The following SPIRE1 variants were observed in gnomAD, a reference collection of about 807,000 sequenced individuals.
SPIRE1 encodes protein spire homolog 1.
In SPIRE1, 40 loss-of-function variants were observed where a neutral mutation model predicts 94.1. The ratio of observed to expected loss-of-function variants is 0.43; its 90% CI spans 0.33 to 0.55. SPIRE1 has a LOEUF of 0.55. SPIRE1 is among the 20% of genes least tolerant of loss of function. The probability of loss-of-function intolerance (pLI) is 0.06; values close to 1 mark genes in which losing one functional copy is unlikely to be tolerated. For missense variants in SPIRE1, 838 were observed against 975.2 expected, an observed-to-expected ratio of 0.86 and a Z score of 1.87; for synonymous variants, 376 against 371.7, an observed-to-expected ratio of 1.01 and a Z score of -0.13.
intron 10 of SPIRE1, among the ~76,000 whole-genome samples, chr18:12,470,971 G>A (rs1049433514): frequency 6.6e-6 from 1 of 151,870 alleles, no homozygotes; most frequent in Non-Finnish European, 1.5e-5. Flanking sequence ...GTCTGGGCAC[G>A]TAACTCACTT....
At chr18:12,521,508 A>G (rs2034357661) in intron 4 of SPIRE1, among the ~76,000 whole-genome samples, 1 of 151,794 alleles carries the variant, frequency 6.6e-6, no homozygotes, top group Admixed American at 6.6e-5. Context: ...TAATTTTTGT[A>G]GTATTAGTAG....
At chr18:12,597,792 A>G (rs929240118) in intron 2 of SPIRE1, among the ~76,000 whole-genome samples, 3 of 152,228 alleles carry the variant, frequency 2.0e-5, no homozygotes, top group African/African-American at 7.2e-5. Context: ...CAGGGGCACA[A>G]TTAAATATGC....
intron 2 of SPIRE1, among the ~76,000 whole-genome samples, chr18:12,606,533 ATTT>A (rs11461946): frequency 6.9e-6 from 1 of 145,532 alleles, no homozygotes. Flanking sequence ...TAATTATCTG[ATTT>A]TTTTTTTTTT....
chr18:12,567,695 C>T (rs1417935183), intron 2 of SPIRE1, among the ~76,000 whole-genome samples: 1 of 152,150 alleles, frequency 6.6e-6, no homozygotes, highest in East Asian at 1.9e-4. Context: ...TGGTAGCATA[C>T]CAGGATCCTT....
intron 6 of SPIRE1, among the ~76,000 whole-genome samples, chr18:12,499,418 T>G (rs1271436090): frequency 6.6e-6 from 1 of 152,112 alleles, no homozygotes; most frequent in African/African-American, 2.4e-5. Context: ...GATGTGTGAG[T>G]CCACCAACTT....
intron 7 of SPIRE1, among the ~76,000 whole-genome samples, chr18:12,493,771 G>A (rs149412431): frequency 1.4e-4 from 21 of 152,322 alleles, no homozygotes; most frequent in African/African-American, 4.3e-4. Flanking sequence ...TGGGATTCCA[G>A]GCGCATGCCA....
intron 12 of SPIRE1, among the ~76,000 whole-genome samples, chr18:12,454,929 A>G (rs1054311255): frequency 6.6e-6 from 1 of 151,104 alleles, no homozygotes; most frequent in African/African-American, 2.4e-5. Context: ...AAGCAAATCT[A>G]CAGTGGTCCT....
At chr18:12,652,483 T>C (rs1010039381) in intron 1 of SPIRE1, among the ~76,000 whole-genome samples, 1 of 152,220 alleles carries the variant, frequency 6.6e-6, no homozygotes, top group Non-Finnish European at 1.5e-5. Flanking sequence ...CCTCCTGTCA[T>C]CACAGAAATA....
At chr18:12,583,154 A>G (rs528988295) in intron 2 of SPIRE1, among the ~76,000 whole-genome samples, 4 of 152,378 alleles carry the variant, frequency 2.6e-5, no homozygotes, top group Admixed American at 1.3e-4. Context: ...AAATTAGTCC[A>G]AAGATATCAG....
Position 12,618,262 on chromosome 18 carries a change from C to T in SPIRE1, c.372+16800G>A, listed in dbSNP as rs559481350. ...GACTACAGGCACCTGCCACTATGCC[C>T]GGCTAATTTTTGTATTTTTAGTAGA... On this transcript the variant is annotated intron_variant, in intron 2 of 16. Transcript: ENST00000409402. Among the ~76,000 whole-genome samples, 365 of 151,938 alleles carry T rather than the reference C, an allele frequency of 2.4e-3. 3 individuals are homozygous for T. The highest frequency in any genetic ancestry group is 0.014 in the South Asian group (68 of 4,798).
intron 12 of SPIRE1, among the ~76,000 whole-genome samples, chr18:12,461,571 G>GTATGTATGTATA (rs747357790): frequency 1.6e-5 from 1 of 61,560 alleles, no homozygotes; most frequent in East Asian, 1.6e-3. Flanking sequence ...GTATATGTAT[G>GTATGTATGTATA]TACATACATA....
At position 12,449,369 on chromosome 18, in the gene SPIRE1, A is replaced by G; in HGVS notation, c.*269T>C. ...AAAGAACTGAACTAAGGAAGTAGCTACTGGCTTCCAAAGCCACACACACAC... is the reference window on the plus strand; with the variant it reads ...AAAGAACTGAACTAAGGAAGTAGCTGCTGGCTTCCAAAGCCACACACACAC... On this transcript the variant is annotated 3_prime_UTR_variant, in exon 17 of 17. Transcript: ENST00000409402. The G allele has an allele frequency of 2.1e-6, 1 of 466,962 alleles. No homozygotes were observed. The highest frequency in any genetic ancestry group is 2.6e-5 in the South Asian group (1 of 39,016). 28.9% of individuals were successfully genotyped at this position (466,962 alleles called of 1,614,324 possible).
At chr18:12,602,582 C>T (rs568160295) in intron 2 of SPIRE1, among the ~76,000 whole-genome samples, 6 of 152,126 alleles carry the variant, frequency 3.9e-5, no homozygotes, top group Non-Finnish European at 7.4e-5. Flanking sequence ...AACTCTGTGG[C>T]GCAGAAACAG....
chr18:12,539,390 T>G (rs1236855285), intron 3 of SPIRE1, among the ~76,000 whole-genome samples: 2 of 152,142 alleles, frequency 1.3e-5, no homozygotes, highest in Admixed American at 6.5e-5. Flanking sequence ...CTCCTTGACT[T>G]CCGCCATGAT....
intron 14 of SPIRE1, chr18:12,452,758 C>T (rs1255302625): frequency 3.3e-6 from 2 of 605,368 alleles, no homozygotes; most frequent in Non-Finnish European, 5.8e-6. Context: ...TTTGTCTATC[C>T]AGGGATCACA....
chr18:12,458,012 T>C (rs971993445), intron 12 of SPIRE1, among the ~76,000 whole-genome samples: 2 of 151,562 alleles, frequency 1.3e-5, no homozygotes, highest in Non-Finnish European at 2.9e-5. Flanking sequence ...GCCCAGCTAA[T>C]TTTTTGTATT....
chr18:12,611,682 G>A (rs933714893), intron 2 of SPIRE1, among the ~76,000 whole-genome samples: 2 of 152,072 alleles, frequency 1.3e-5, no homozygotes, highest in Non-Finnish European at 1.5e-5. Context: ...TTTGTTTTTT[G>A]AGACAGGGTC....
In SPIRE1 at chr18:12,446,535, T is replaced by G. The variant is rs938529843; in HGVS notation, c.*3103A>C. The G allele has an allele frequency of 1.3e-5, 2 of 152,152 alleles. No homozygotes were observed. The highest frequency in any genetic ancestry group is 2.9e-5 in the Non-Finnish European group (2 of 68,036). 9.4% of individuals were successfully genotyped at this position (152,152 alleles called of 1,614,324 possible). A position where few individuals can be genotyped will look rare whatever the true frequency, so the allele number is the denominator to read the frequency against. ...AGTCTGATGGAAAGCCATTTTATTT[T>G]TCTCTAAATTTTAAAATAGAAGACT... On this transcript the variant is annotated 3_prime_UTR_variant, in exon 17 of 17. Coordinates refer to ENST00000409402, the MANE Select transcript of SPIRE1 (RefSeq NM_001128626.2).
chr18:12,646,067 T>C lies in SPIRE1; in HGVS notation c.338-10971A>G, dbSNP rs185061255. Among the ~76,000 whole-genome samples, 177 of 152,352 alleles carry C rather than the reference T, an allele frequency of 1.2e-3. 2 individuals carry two copies. Among genetic ancestry groups the C allele is most frequent in the Non-Finnish European group, 2.1e-3 (144 of 68,038 alleles). On this transcript the variant is annotated intron_variant, in intron 1 of 16. Transcript: ENST00000409402. ...AAATGCGGTAACTGATTAGCAGTTA[T>C]ATGCTTTTGGCATGGGGAAGTGGGT...
Sources: allele counts gnomAD v4.1 joint callset (sites outside exome capture counted in the v4.1 genomes callset), GRCh38; gene constraint gnomAD v4.1.1; transcripts MANE v1.5; gene names NCBI Gene and HGNC (gene_info 2026-07-23, HGNC 2026-07-21).